PKHD1: variants seen among roughly 807,000 people sequenced by gnomAD.
PKHD1 encodes fibrocystin.
Under a neutral mutation model 412.0 loss-of-function variants are expected in PKHD1, and 291 were observed. The observed-to-expected ratio is 0.71, with a 90% CI of 0.64 to 0.78. The LOEUF (loss-of-function observed/expected upper bound fraction) is 0.78. Among genes scored for constraint, PKHD1 ranks in the 30% least tolerant of loss-of-function variants. PKHD1 has a pLI of 0.00. For missense variants in PKHD1, 4,825 were observed against 4,950.7 expected (o/e 0.97, Z 0.76); for synonymous variants, 1,777 against 1,821.5 (o/e 0.98, Z 0.62).
In PKHD1 at chr6:51,648,015, CAGAT is replaced by C. The variant is rs1341710838; in HGVS notation, c.11398+12_11398+15del. 2 of 1,432,758 alleles carry C rather than the reference CAGAT, an allele frequency of 1.4e-6. No individual in the cohort carries two copies. Among genetic ancestry groups the C allele is most frequent in the African/African-American group, 2.8e-5 (2 of 71,388 alleles). 88.8% of individuals were successfully genotyped at this position (1,432,758 alleles called of 1,614,324 possible). ...AGTGGTAACAGATATCTGAAATTTA[CAGAT>C]ACTTTACCTACCTTTTAGCACTGAG... On this transcript the variant is annotated intron_variant, in intron 63 of 66. Transcript: ENST00000371117.
chr6:51,921,014 T>C (rs897546982), intron 37 of PKHD1, among the ~76,000 whole-genome samples: 1 of 152,168 alleles, frequency 6.6e-6, no homozygotes, highest in South Asian at 2.1e-4. Context: ...CTTCTCTCTT[T>C]TCTTCTCTAT....
intron 54 of PKHD1, among the ~76,000 whole-genome samples, chr6:51,775,442 C>G (rs1314749188): frequency 6.6e-6 from 1 of 151,698 alleles, no homozygotes; most frequent in African/African-American, 2.4e-5. Context: ...GTGAATGTTC[C>G]TTATTAATTT....
At chr6:52,063,673 C>A (rs560573019) in intron 13 of PKHD1, among the ~76,000 whole-genome samples, 1 of 152,312 alleles carries the variant, frequency 6.6e-6, no homozygotes, top group South Asian at 2.1e-4. Context: ...CAATGTCTAG[C>A]AGCCTTCCCA....
Position 51,999,427 on chromosome 6 carries a change from G to A in PKHD1, c.5751+10882C>T, listed in dbSNP as rs145079735. 2.6e-5 allele frequency among the ~76,000 whole-genome samples: 4 copies of A among 152,108 alleles called. No homozygotes were observed. In the East Asian group the frequency reaches 7.7e-4, roughly 29 times the overall value. ...CGTTTCCATAACACTTTTAATATCT[G>A]AATAACCCATTCATCTTTACCCAAA... On this transcript the variant is annotated intron_variant, in intron 35 of 66. Coordinates refer to ENST00000371117, the MANE Select transcript of PKHD1 (RefSeq NM_138694.4).
intron 43 of PKHD1, among the ~76,000 whole-genome samples, chr6:51,895,294 G>A (rs1779723705): frequency 6.6e-6 from 1 of 152,108 alleles, no homozygotes; most frequent in African/African-American, 2.4e-5. Flanking sequence ...CGTATACCCA[G>A]TTACCACCTA....
At chr6:52,064,157 C>T (rs1809135135) in intron 13 of PKHD1, among the ~76,000 whole-genome samples, 1 of 152,202 alleles carries the variant, frequency 6.6e-6, no homozygotes, top group Non-Finnish European at 1.5e-5. Context: ...GGCAACTTTC[C>T]TTGTAGGTGC....
intron 57 of PKHD1, among the ~76,000 whole-genome samples, chr6:51,749,973 C>T (rs1049153608): frequency 1.3e-5 from 2 of 152,124 alleles, no homozygotes; most frequent in Admixed American, 6.6e-5. Flanking sequence ...GGAAGCAATA[C>T]ATTTGAAGTT....
chr6:51,780,656 C>T (rs1039162459), intron 53 of PKHD1, among the ~76,000 whole-genome samples: 3 of 152,044 alleles, frequency 2.0e-5, no homozygotes, highest in Non-Finnish European at 2.9e-5. Flanking sequence ...GATCTCACTA[C>T]ATATCCAGTA....
chr6:52,059,818 T>C, intron 15 of PKHD1, 110 bp downstream of exon 15: 5 of 714,062 alleles, frequency 7.0e-6, no homozygotes, highest in East Asian at 2.6e-5. Flanking sequence ...GATCATCCAA[T>C]GGCATGTTAA....
At position 52,058,580 on chromosome 6, in the gene PKHD1, C is replaced by G. The variant is rs138672830; in HGVS notation, c.1255G>C (p.Val419Leu). 9 of 1,614,116 alleles carry G rather than the reference C, an allele frequency of 5.6e-6. No homozygotes were observed. Among genetic ancestry groups the G allele is most frequent in the Non-Finnish European group, 7.6e-6 (9 of 1,180,006 alleles). Residue 419 changes from valine (V) to leucine (L), a missense_variant, in exon 16 of 67, where the codon GTC becomes CTC. Val to Leu is a conservative substitution (Grantham distance 32, BLOSUM62 1). Coordinates refer to ENST00000371117, the MANE Select transcript of PKHD1 (RefSeq NM_138694.4). ...RTKVKVASIS[V>L]GTADWFDSWE... ...GAGTCAAACCAGTCAGCAGTGCCGA[C>G]GCTGATGGAGGCCACTTTCACCTAT...
chr6:51,721,953 C>T, intron 60 of PKHD1: 1 of 1,613,348 alleles, frequency 6.2e-7, no homozygotes, highest in Non-Finnish European at 8.5e-7. Flanking sequence ...CCTCATTAAT[C>T]TTTCAAAGTT....
At chr6:51,748,842 G>A (rs1785611560) in intron 57 of PKHD1, among the ~76,000 whole-genome samples, 177 bp from the exon 58 acceptor site, 1 of 152,130 alleles carries the variant, frequency 6.6e-6, no homozygotes, top group Admixed American at 6.5e-5. Flanking sequence ...ATCATTACAA[G>A]TATCACATTA....
At chr6:52,036,744 G>A (rs761188559) in intron 27 of PKHD1, among the ~76,000 whole-genome samples, 3 of 152,004 alleles carry the variant, frequency 2.0e-5, no homozygotes, top group African/African-American at 4.8e-5. Context: ...CAAAAATTAA[G>A]AAGATAAAAA....
intron 36 of PKHD1, among the ~76,000 whole-genome samples, chr6:51,941,576 A>T (rs1444290630): frequency 1.3e-5 from 2 of 151,482 alleles, no homozygotes; most frequent in Non-Finnish European, 3.0e-5. Context: ...TTTAAAGCCT[A>T]TAAACTCTCT....
chr6:51,621,852 T>TA (rs1303087975), intron 66 of PKHD1: 1 of 152,124 alleles, frequency 6.6e-6, no homozygotes. Context: ...ACAAATTAGA[T>TA]AAAAAATGAA....
Position 51,824,682 on chromosome 6 carries a change from G to T in PKHD1, c.8302+6179C>A, listed in dbSNP as rs1050833588. Among the ~76,000 whole-genome samples the T allele has an allele frequency of 7.9e-5, 12 of 152,070 alleles. 1 individual carries two copies. Among genetic ancestry groups the T allele is most frequent in the Admixed American group, 5.2e-4 (8 of 15,248 alleles). ...ATTCACTTTCTAAAGAAGGTCAAAG[G>T]AAAGTTCAACTGTTGTCTCCCTGGA... On this transcript the variant is annotated intron_variant, in intron 52 of 66. Coordinates refer to ENST00000371117, the MANE Select transcript of PKHD1 (RefSeq NM_138694.4).
Position 52,065,050 on chromosome 6 carries a change from C to A in PKHD1, c.881G>T (p.Gly294Val). 1 of 1,562,188 alleles carries A rather than the reference C, an allele frequency of 6.4e-7. No homozygotes were observed. Among genetic ancestry groups the A allele is most frequent in the Non-Finnish European group, 8.7e-7 (1 of 1,149,060 alleles). ...CACGTGTCTAATATCACATGGAATG[C>A]CTAAAGCGAATTAAAGAAATTTATG... ...FDNSAQVTIA[G>V]IPCDIRHVSP... is the part of the protein sequence containing the mutation. Residue 294 changes from glycine to valine, a missense_variant and splice_region_variant, in exon 13 of 67, where the codon GGC (glycine) becomes GTC (valine). Transcript: ENST00000371117.
chr6:51,712,167 C>T (rs947507121), intron 60 of PKHD1, among the ~76,000 whole-genome samples: 4 of 152,218 alleles, frequency 2.6e-5, no homozygotes, highest in African/African-American at 4.8e-5. Context: ...CATCTGCTGT[C>T]GTTAACATGA....
At chr6:52,029,697 A>G (rs759839270) in intron 29 of PKHD1, among the ~76,000 whole-genome samples, 19 of 152,228 alleles carry the variant, frequency 1.2e-4, no homozygotes, top group Non-Finnish European at 2.5e-4. Context: ...TTAATCACCC[A>G]GTGGCTTGGA....
Sources: gnomAD v4.1 joint callset for allele counts (sites outside exome capture counted in the v4.1 genomes callset) on GRCh38, gnomAD v4.1.1 for gene constraint, MANE v1.5 for transcripts, NCBI Gene and HGNC (gene_info 2026-07-23, HGNC 2026-07-21) for gene names.